The following ADAMTS15 variants were observed in gnomAD, a reference collection of about 807,000 sequenced individuals.
The protein encoded by ADAMTS15 is ADAM metallopeptidase with thrombospondin type 1 motif 15, also known as A disintegrin and metalloproteinase with thrombospondin motifs 15.
In ADAMTS15, 35 loss-of-function variants were observed where a neutral mutation model predicts 79.1. That is an observed-to-expected ratio of 0.44 (90% CI 0.34 to 0.59). ADAMTS15 has a LOEUF of 0.59. ADAMTS15 is among the 20% of genes least tolerant of loss of function. The pLI, the probability that ADAMTS15 is intolerant of heterozygous loss-of-function variation, is 0.02. For synonymous variants in ADAMTS15, 616 were observed against 567.3 expected, an observed-to-expected ratio of 1.09 and a Z score of -1.22; for missense variants, 1,324 against 1,318.7, an observed-to-expected ratio of 1.00 and a Z score of -0.06.
At position 130,471,364 on chromosome 11, in the gene ADAMTS15, G is replaced by A; in HGVS notation, c.2059G>A (p.Gly687Arg). 6.2e-7 allele frequency: 1 copy of A among 1,609,730 alleles called. No individual in the cohort carries two copies. The highest frequency in any genetic ancestry group is 8.5e-7 in the Non-Finnish European group (1 of 1,179,034). The change falls in exon 7 of 8, where the codon GGA becomes AGA. Residue 687 changes from glycine (G) to arginine (R), a missense_variant. By Grantham distance (125) the Gly-to-Arg change is moderately radical. Coordinates refer to ENST00000299164, the MANE Select transcript of ADAMTS15 (RefSeq NM_139055.4). ...GDNKSCKKVT[G>R]LFTKPMHGYN... is the part of the protein sequence containing the mutation. Reference sequence around the variant, plus strand: ...CAATAAGAGCTGCAAGAAGGTGACTGGACTCTTCACCAAGCCCATGTGAGT... The same window carrying A: ...CAATAAGAGCTGCAAGAAGGTGACTAGACTCTTCACCAAGCCCATGTGAGT...
chr11:130,448,819 GA>G lies in ADAMTS15; in HGVS notation c.-154del, dbSNP rs1344836587. Among the ~76,000 whole-genome samples the G allele has an allele frequency of 6.6e-6, 1 of 152,200 alleles. No individual in the cohort carries two copies. The highest frequency in any genetic ancestry group is 1.5e-5 in the Non-Finnish European group (1 of 68,030). Reference sequence around the variant, plus strand: ...GCCGGGTGCACGCTCGCCGCCCTGGGAGGAGTCTCCCTCCCTTGGCTCTCCT... The same window carrying G: ...GCCGGGTGCACGCTCGCCGCCCTGGGGGAGTCTCCCTCCCTTGGCTCTCCT... On this transcript the variant is annotated 5_prime_UTR_variant, in exon 1 of 8. Coordinates refer to ENST00000299164, the MANE Select transcript of ADAMTS15 (RefSeq NM_139055.4).
Position 130,449,372 on chromosome 11 carries a change from G to T in ADAMTS15, c.399G>T (p.Glu133Asp). The change falls in exon 1 of 8, where the codon GAG becomes GAT. Residue 133 changes from glutamate (E) to aspartate (D), a missense_variant. Coordinates refer to ENST00000299164, the MANE Select transcript of ADAMTS15 (RefSeq NM_139055.4). This position sits in a 1 kb window ranked among gnomAD's most constrained non-coding sequence, Gnocchi z 7.8. ...LRGAFGYRGA[E>D]YVISPLPNAS... ...GAGCCTTTGGCTACCGAGGCGCCGA[G>T]TATGTCATTAGCCCGCTGCCCAATG... is the stretch of plus-strand genomic sequence containing the variant. 6.2e-7 allele frequency: 1 copy of T among 1,605,096 alleles called. No individual in the cohort carries two copies. Among genetic ancestry groups the T allele is most frequent in the Non-Finnish European group, 8.5e-7 (1 of 1,179,934 alleles).
At chr11:130,464,862 G>T (rs1938269510) in intron 4 of ADAMTS15, among the ~76,000 whole-genome samples, 1 of 151,882 alleles carries the variant, frequency 6.6e-6, no homozygotes, top group East Asian at 1.9e-4. Flanking sequence ...AGCTACTCAG[G>T]AGGCTGAGGC....
At chr11:130,458,713 A>C (rs1248693605) in intron 1 of ADAMTS15, among the ~76,000 whole-genome samples, 1 of 152,156 alleles carries the variant, frequency 6.6e-6, no homozygotes, top group African/African-American at 2.4e-5. Flanking sequence ...ACCGGAATCT[A>C]GACTTCTTGA....
rs1938225400 is a variant in ADAMTS15 at position 130,462,602 on chromosome 11, G to T, written c.1364G>T (p.Gly455Val). 1 of 1,613,718 alleles carries T rather than the reference G, an allele frequency of 6.2e-7. No homozygotes were observed. The highest frequency in any genetic ancestry group is 1.3e-5 in the African/African-American group (1 of 74,932). Residue 455 changes from glycine to valine, a missense_variant, in exon 4 of 8, where the codon GGC becomes GTC. Transcript: ENST00000299164. This position sits in a 1 kb window ranked among gnomAD's most constrained non-coding sequence, Gnocchi z 4.3. The stretch of plus-strand genomic sequence containing the variant: ...CAGTGCGAGCTGGCTTTTGGCGTGG[G>T]CTCCAAGCCCTGTCCTTACATGCAG... ...SQQCELAFGV[G>V]SKPCPYMQYC...
At chr11:130,454,728 C>T (rs1213207571) in intron 1 of ADAMTS15, among the ~76,000 whole-genome samples, 1 of 152,090 alleles carries the variant, frequency 6.6e-6, no homozygotes, top group Admixed American at 6.6e-5. Flanking sequence ...TATGTTGGTT[C>T]CCTGTCGTGC....
rs1277753957 is a variant in ADAMTS15, at chr11:130,462,789, G to A, written c.1542+9G>A. On this transcript the variant is annotated intron_variant, in intron 4 of 7. Coordinates refer to ENST00000299164, the MANE Select transcript of ADAMTS15 (RefSeq NM_139055.4). The surrounding 1 kb of genome is among the most constrained non-coding windows in gnomAD (Gnocchi z 4.3). ...ACCTCAACAAGCACAGGGTGAGTGA[G>A]TGCTGGAGCTGCGCTCGGGGACTGC... 3 of 1,575,938 alleles carry A rather than the reference G, an allele frequency of 1.9e-6. No homozygotes were observed. The highest frequency in any genetic ancestry group is 2.6e-6 in the Non-Finnish European group (3 of 1,153,666).
At chr11:130,468,193 AC>A (rs1237352214) in intron 4 of ADAMTS15, among the ~76,000 whole-genome samples, 1 of 152,184 alleles carries the variant, frequency 6.6e-6, no homozygotes, top group Non-Finnish European at 1.5e-5. Flanking sequence ...CGTGCCTGTT[AC>A]GCCACTTCTG....
intron 1 of ADAMTS15, among the ~76,000 whole-genome samples, 163 bp from the exon 2 acceptor site, chr11:130,461,326 C>T (rs1938193274): frequency 6.6e-6 from 1 of 152,138 alleles, no homozygotes; most frequent in African/African-American, 2.4e-5. Context: ...TGAACAGCCC[C>T]ACAACCTCCT....
At chr11:130,453,011 G>A (rs1396396835) in intron 1 of ADAMTS15, among the ~76,000 whole-genome samples, 2 of 151,574 alleles carry the variant, frequency 1.3e-5, no homozygotes, top group Non-Finnish European at 2.9e-5. Context: ...GCGGCCTCAG[G>A]TCCCCAGGAA....
chr11:130,470,184 G>GTATATA lies in ADAMTS15; in HGVS notation c.1721-735_1721-734insATATAT, dbSNP rs1281455253. On this transcript the variant is annotated intron_variant, in intron 5 of 7. Transcript: ENST00000299164. The stretch of plus-strand genomic sequence containing the variant: ...TATATATATATATATATATATATGT[G>GTATATA]TGTATATATATATATATATATATAT... 3.0e-4 allele frequency among the ~76,000 whole-genome samples: 15 copies of GTATATA among 50,170 alleles called. 2 individuals carry two copies. The highest frequency in any genetic ancestry group is 1.2e-3 in the South Asian group (2 of 1,734). 32.9% of individuals were successfully genotyped at this position (50,170 alleles called of 152,430 possible). A position where few individuals can be genotyped will look rare whatever the true frequency, so the allele number is the denominator to read the frequency against.
At chr11:130,471,426 G>A in intron 7 of ADAMTS15, 43 bp downstream of exon 7, 1 of 1,579,642 alleles carries the variant, frequency 6.3e-7, no homozygotes, top group Non-Finnish European at 8.5e-7. Context: ...AGCAAAGGGA[G>A]GGAGGTGGAG....
At position 130,449,470 on chromosome 11, in the gene ADAMTS15, C is replaced by A. The variant is rs1428979500; in HGVS notation, c.497C>A (p.Pro166His). The change falls in exon 1 of 8, where the codon CCT (proline) becomes CAT (histidine). Residue 166 changes from proline (P) to histidine (H), a missense_variant. Pro to His is a moderately conservative substitution (Grantham distance 77). Coordinates refer to ENST00000299164, the MANE Select transcript of ADAMTS15 (RefSeq NM_139055.4). The surrounding 1 kb of genome is among the most constrained non-coding windows in gnomAD (Gnocchi z 7.8). Reference sequence around the variant, plus strand: ...CAGCGCCGGGGTGTTCCGGGCGGGCCTTCCGGAGACCCCACCTCTCGCTGC... The same window carrying A: ...CAGCGCCGGGGTGTTCCGGGCGGGCATTCCGGAGACCCCACCTCTCGCTGC... ...LLQRRGVPGG[P>H]SGDPTSRCGV... 1 of 1,567,190 alleles carries A rather than the reference C, an allele frequency of 6.4e-7. No homozygotes were observed. Among genetic ancestry groups the A allele is most frequent in the South Asian group, 1.2e-5 (1 of 85,322 alleles).
chr11:130,449,803 C>T lies in ADAMTS15; in HGVS notation c.830C>T (p.Ser277Phe). The T allele has an allele frequency of 6.2e-7, 1 of 1,611,682 alleles. No individual in the cohort carries two copies. Among genetic ancestry groups the T allele is most frequent in the South Asian group, 1.1e-5 (1 of 91,080 alleles). The change falls in exon 1 of 8, where the codon TCC (serine) becomes TTC (phenylalanine). Residue 277 changes from serine to phenylalanine, a missense_variant. Ser to Phe is a radical substitution (Grantham distance 155). Transcript: ENST00000299164. The surrounding 1 kb of genome is among the most constrained non-coding windows in gnomAD (Gnocchi z 7.8). ...VKVLLLRDRD[S>F]GPKVTGNAAL... The stretch of plus-strand genomic sequence containing the variant: ...GTGCTGCTTCTTAGAGATCGTGACT[C>T]CGGGCCCAAGGTCACCGGCAATGCG...
Position 130,473,354 on chromosome 11 carries a change from T to C in ADAMTS15, c.2386T>C (p.Tyr796His), listed in dbSNP as rs762370397. 2 of 1,612,796 alleles carry C rather than the reference T, an allele frequency of 1.2e-6. No individual in the cohort carries two copies. The highest frequency in any genetic ancestry group is 1.1e-5 in the South Asian group (1 of 91,088). Residue 796 changes from tyrosine (Y) to histidine (H), a missense_variant, in exon 8 of 8, where the codon TAC (tyrosine) becomes CAC (histidine). Coordinates refer to ENST00000299164, the MANE Select transcript of ADAMTS15 (RefSeq NM_139055.4). ...GAAGATGACACCGCCCCGGGTCCGCTACTCCTTCTATCTGCCCAAAGAGCC... is the reference window on the plus strand; with the variant it reads ...GAAGATGACACCGCCCCGGGTCCGCCACTCCTTCTATCTGCCCAAAGAGCC... The part of the protein sequence containing the change: ...VGKMTPPRVR[Y>H]SFYLPKEPRE...
chr11:130,449,213 C>T lies in ADAMTS15; in HGVS notation c.240C>T (p.Ser80=). The T allele has an allele frequency of 6.2e-7, 1 of 1,614,150 alleles. No individual in the cohort carries two copies. The highest frequency in any genetic ancestry group is 8.5e-7 in the Non-Finnish European group (1 of 1,180,034). Residue 80 remains serine (S), a synonymous_variant, in exon 1 of 8, where the codon TCC becomes TCT. Coordinates refer to ENST00000299164, the MANE Select transcript of ADAMTS15 (RefSeq NM_139055.4). The surrounding 1 kb of genome is among the most constrained non-coding windows in gnomAD (Gnocchi z 7.8). The part of the protein sequence containing the change: ...PDAQFLAPAF[S]TEHLGVPLQG... ...CTCAGTTCTTGGCTCCCGCCTTCTC[C>T]ACTGAGCATCTGGGCGTCCCCCTCC...
chr11:130,463,865 G>A (rs1217280511), intron 4 of ADAMTS15, among the ~76,000 whole-genome samples: 1 of 152,214 alleles, frequency 6.6e-6, no homozygotes, highest in African/African-American at 2.4e-5. Flanking sequence ...AGAGGCACAT[G>A]TTATGCGGAA....
At chr11:130,459,671 G>T (rs1938158905) in intron 1 of ADAMTS15, among the ~76,000 whole-genome samples, 1 of 152,218 alleles carries the variant, frequency 6.6e-6, no homozygotes, top group Non-Finnish European at 1.5e-5. Flanking sequence ...ACACATCACT[G>T]CCTCTGGTGC....
chr11:130,473,525 G>A lies in ADAMTS15; in HGVS notation c.2557G>A (p.Ala853Thr), dbSNP rs139836940. The A allele has an allele frequency of 1.4e-3, 2,231 of 1,607,598 alleles. 24 individuals carry two copies. In the African/African-American group the frequency reaches 0.026, roughly 19 times the overall value. The change falls in exon 8 of 8, where the codon GCG (alanine) becomes ACG (threonine). Residue 853 changes from alanine to threonine, a missense_variant. By Grantham distance (58) the Ala-to-Thr change is moderately conservative. Transcript: ENST00000299164. ...WVAGSWGPCS[A>T]SCGSGLQKRA... ...GGCTGGCAGCTGGGGGCCGTGCTCC[G>A]CGAGCTGCGGCAGTGGCCTGCAGAA... is the stretch of plus-strand genomic sequence containing the variant.
Sources: allele counts gnomAD v4.1 joint callset (sites outside exome capture counted in the v4.1 genomes callset), GRCh38; gene constraint gnomAD v4.1.1; non-coding constraint Gnocchi (gnomAD v3.1); transcripts MANE v1.5; gene names NCBI Gene and HGNC (gene_info 2026-07-23, HGNC 2026-07-21).